The following CHRNA4 variants were observed in gnomAD, a reference collection of about 807,000 sequenced individuals.
CHRNA4 encodes neuronal acetylcholine receptor subunit alpha-4.
A neutral mutation model predicts 48.9 loss-of-function variants in CHRNA4; 28 were observed. The ratio of observed to expected loss-of-function variants is 0.57; its 90% confidence interval spans 0.42 to 0.79. The LOEUF (loss-of-function observed/expected upper bound fraction) is 0.79. CHRNA4 is among the 30% of genes least tolerant of loss of function. The pLI is 0.00. For synonymous variants in CHRNA4, 425 were observed against 402.3 expected (o/e 1.06, Z -0.68); for missense variants, 859 against 898.4 (o/e 0.96, Z 0.56).
chr20:63,356,381 C>CA lies in CHRNA4; in HGVS notation c.262dup (p.Trp88LeufsTer17). On this transcript the variant is annotated frameshift_variant, in exon 3 of 6. Transcript: ENST00000370263. LOFTEE classifies it high-confidence loss of function. ...TGCCCTCCCACTCACCTGCTTCACC[C>CA]ATACGTTCGTGGTCATCATCTGGTT... The CA allele has an allele frequency of 6.3e-7, 1 of 1,598,252 alleles. No homozygotes were observed. Among genetic ancestry groups the CA allele is most frequent in the Non-Finnish European group, 8.5e-7 (1 of 1,173,072 alleles).
Position 63,349,945 on chromosome 20 carries a change from A to C in CHRNA4, c.1466T>G (p.Ile489Ser), listed in dbSNP as rs377087067. The change falls in exon 5 of 6, where the codon ATC (isoleucine) becomes AGC (serine). Residue 489 changes from isoleucine to serine, a missense_variant. Transcript: ENST00000370263. ...EGGVRCRSRS[I>S]QYCVPRDDAA... ...ATCGTCTCGGGGAACACAGTACTGG[A>C]TGCTCCGAGACCGGCACCGGACGCC... The C allele has an allele frequency of 8.2e-6, 13 of 1,582,120 alleles. No homozygotes were observed. Among genetic ancestry groups the C allele is most frequent in the Non-Finnish European group, 1.1e-5 (13 of 1,163,836 alleles).
rs201041492 is a variant in CHRNA4 at position 63,346,437 on chromosome 20, G to T, written c.*301C>A. ...TGAGTTCCATCTGCAGGGGAGCTCA[G>T]GAGACTCTTGAACTGGACTTAGCCC... On this transcript the variant is annotated 3_prime_UTR_variant, in exon 6 of 6. Transcript: ENST00000370263. The T allele has an allele frequency of 1.7e-6, 1 of 575,694 alleles. No homozygotes were observed. Among genetic ancestry groups the T allele is most frequent in the Non-Finnish European group, 3.3e-6 (1 of 305,154 alleles). 35.7% of individuals were successfully genotyped at this position (575,694 alleles called of 1,614,324 possible).
intron 4 of CHRNA4, chr20:63,354,809 C>T (rs1012937116): frequency 1.4e-5 from 3 of 216,124 alleles, no homozygotes; most frequent in South Asian, 1.6e-4. Context: ...GTCCTGGTGG[C>T]GGGGAGCTAG....
In CHRNA4 at chr20:63,344,420, C is replaced by A. The variant is rs376422342; in HGVS notation, c.*2318G>T. The A allele has an allele frequency of 2.2e-6, 1 of 453,704 alleles. No homozygotes were observed. The highest frequency in any genetic ancestry group is 4.4e-6 in the Non-Finnish European group (1 of 226,724). The allele number at this position is 453,704 out of a possible 1,614,324, so 28.1% of individuals were successfully genotyped here. On this transcript the variant is annotated 3_prime_UTR_variant, in exon 6 of 6. Transcript: ENST00000370263. This position sits in a 1 kb window ranked among gnomAD's most constrained non-coding sequence, Gnocchi z 4.5. ...ATAAAAACAGCACTGGACGCAAATA[C>A]GCCAACATTGTTGTCAAGGTTAATT...
At chr20:63,351,076 C>T (rs201729175) in intron 4 of CHRNA4, 49 bp from the exon 5 acceptor site, 23 of 1,525,618 alleles carry the variant, frequency 1.5e-5, no homozygotes, top group Non-Finnish European at 1.5e-5. Context: ...TCCATGCCCA[C>T]GTCCACACCC....
chr20:63,352,832 C>T (rs1046350650), intron 4 of CHRNA4, among the ~76,000 whole-genome samples: 2 of 151,584 alleles, frequency 1.3e-5, no homozygotes, highest in African/African-American at 4.9e-5. Context: ...GCCAGGTCCC[C>T]CAGCCCCCAG....
At chr20:63,353,838 G>A in intron 4 of CHRNA4, among the ~76,000 whole-genome samples, 1 of 95,328 alleles carries the variant, frequency 1.0e-5, no homozygotes, top group Admixed American at 1.0e-4. Context: ...TGGTTCTAGG[G>A]GGCTGTGACC....
At position 63,350,364 on chromosome 20, in the gene CHRNA4, C is replaced by T. The variant is rs75593857; in HGVS notation, c.1047G>A (p.Leu349=). The part of the protein sequence containing the change: ...TMPTWVRRVF[L]DIVPRLLLMK... Reference sequence around the variant, plus strand: ...TGAGGAGCAGGCGTGGCACGATGTCCAGGAAGACCCTGCGTACCCAGGTGG... The same window carrying T: ...TGAGGAGCAGGCGTGGCACGATGTCTAGGAAGACCCTGCGTACCCAGGTGG... The change falls in exon 5 of 6, where the codon CTG becomes CTA. Residue 349 remains leucine, a synonymous_variant. Coordinates refer to ENST00000370263, the MANE Select transcript of CHRNA4 (RefSeq NM_000744.7). The T allele has an allele frequency of 5.0e-4, 814 of 1,613,716 alleles. 2 individuals carry two copies. The African/African-American group carries it at 6.8e-3, about 13-fold the overall frequency.
intron 4 of CHRNA4, among the ~76,000 whole-genome samples, chr20:63,351,560 G>A (rs1453703288): frequency 2.6e-5 from 4 of 152,194 alleles, no homozygotes; most frequent in Admixed American, 1.3e-4. Context: ...GGGCCACCAT[G>A]GGAATTCCTC....
Position 63,350,876 on chromosome 20 carries a change from A to G in CHRNA4, c.535T>C (p.Phe179Leu). ...PFDQQNCTMK[F>L]GSWTYDKAKI... is the part of the protein sequence containing the mutation. ...GCCTTGTCGTAGGTCCAGGAGCCGAATTTCATGGTGCAGTTCTGCTGGTCG... is the reference window on the plus strand; with the variant it reads ...GCCTTGTCGTAGGTCCAGGAGCCGAGTTTCATGGTGCAGTTCTGCTGGTCG... The change falls in exon 5 of 6, where the codon TTC (phenylalanine) becomes CTC (leucine). Residue 179 changes from phenylalanine to leucine, a missense_variant. By Grantham distance (22) the Phe-to-Leu change is conservative. This residue lies in a region of CHRNA4 where 342 missense variants were observed against 365.3 expected (regional missense o/e 0.94). Coordinates refer to ENST00000370263, the MANE Select transcript of CHRNA4 (RefSeq NM_000744.7). 1 of 1,614,032 alleles carries G rather than the reference A, an allele frequency of 6.2e-7. No homozygotes were observed.
intron 4 of CHRNA4, chr20:63,355,636 A>G: frequency 3.9e-6 from 5 of 1,282,292 alleles, no homozygotes; most frequent in Non-Finnish European, 4.1e-6. Context: ...GTCAGGAGCC[A>G]GCCCCCAGGC....
chr20:63,352,718 C>G (rs969301646), intron 4 of CHRNA4, among the ~76,000 whole-genome samples: 1 of 152,250 alleles, frequency 6.6e-6, no homozygotes, highest in Non-Finnish European at 1.5e-5. Context: ...ACAGGGAACG[C>G]CAGGGCCATG....
At chr20:63,353,573 G>A (rs2068652224) in intron 4 of CHRNA4, among the ~76,000 whole-genome samples, 2 of 114,978 alleles carry the variant, frequency 1.7e-5, no homozygotes, top group African/African-American at 3.4e-5. Context: ...GTCCTGGGGG[G>A]GCTGCGGTCC....
chr20:63,359,493 T>C lies in CHRNA4; in HGVS notation c.228+55A>G, dbSNP rs1280309269. 5 of 1,608,716 alleles carry C rather than the reference T, an allele frequency of 3.1e-6. No homozygotes were observed. The African/African-American group carries it at 4.0e-5, about 13-fold the overall frequency. ...TCCCCTCTGCCCACCCAGACCCCTG[T>C]GCTCCTTGCAGGGCGACCTCAGTCA... On this transcript the variant is annotated intron_variant, in intron 2 of 5. Transcript: ENST00000370263.
rs45486594 is a variant in CHRNA4 at position 63,346,469 on chromosome 20, T to C, written c.*269A>G. ...CTTGAACTGGACTTAGCCCGAGTCC[T>C]GCAGGTAGAAGGCGCCGACCCCCAC... is the stretch of plus-strand genomic sequence containing the variant. On this transcript the variant is annotated 3_prime_UTR_variant, in exon 6 of 6. Coordinates refer to ENST00000370263, the MANE Select transcript of CHRNA4 (RefSeq NM_000744.7). 6.3e-6 allele frequency: 4 copies of C among 633,628 alleles called. No individual in the cohort carries two copies. In the East Asian group the frequency reaches 1.3e-4, roughly 20 times the overall value. 39.3% of individuals were successfully genotyped at this position (633,628 alleles called of 1,614,324 possible).
At chr20:63,357,493 T>C (rs1038409129) in intron 2 of CHRNA4, among the ~76,000 whole-genome samples, 9 of 152,136 alleles carry the variant, frequency 5.9e-5, no homozygotes, top group African/African-American at 1.9e-4. Flanking sequence ...CCTGGGCTGG[T>C]TGGAAAAGCA....
intron 1 of CHRNA4, 122 bp downstream of exon 1, chr20:63,360,968 G>T: frequency 1.2e-6 from 1 of 801,192 alleles, no homozygotes; most frequent in Non-Finnish European, 1.7e-6. Context: ...CCTCGCGGTC[G>T]CCCAGTCGCG....
In CHRNA4 at chr20:63,345,315, CCTGA is replaced by C. The variant is rs1344399816; in HGVS notation, c.*1419_*1422del. The stretch of plus-strand genomic sequence containing the variant: ...ATGTGGACCACTCAGCAGGAGGCTT[CCTGA>C]CTGTCTCCTCCTGAACCGATGTCAC... On this transcript the variant is annotated 3_prime_UTR_variant, in exon 6 of 6. Transcript: ENST00000370263. This position sits in a 1 kb window ranked among gnomAD's most constrained non-coding sequence, Gnocchi z 5.4. 10 of 453,416 alleles carry C rather than the reference CCTGA, an allele frequency of 2.2e-5. No individual in the cohort carries two copies. The highest frequency in any genetic ancestry group is 7.0e-5 in the East Asian group (1 of 14,364). 28.1% of individuals were successfully genotyped at this position (453,416 alleles called of 1,614,324 possible).
Position 63,356,528 on chromosome 20 carries a change from G to A in CHRNA4, c.229-113C>T, listed in dbSNP as rs951580863. 9 of 1,152,918 alleles carry A rather than the reference G, an allele frequency of 7.8e-6. No individual in the cohort carries two copies. In the Admixed American group the frequency reaches 1.6e-4, roughly 20 times the overall value. 71.4% of individuals were successfully genotyped at this position (1,152,918 alleles called of 1,614,324 possible). On this transcript the variant is annotated intron_variant, in intron 2 of 5. Transcript: ENST00000370263. Reference sequence around the variant, plus strand: ...GGACACGGCCAGGGCAAGATATGGTGGACGGGCGACCTGTGGAGGGGGTGA... The same window carrying A: ...GGACACGGCCAGGGCAAGATATGGTAGACGGGCGACCTGTGGAGGGGGTGA...
Sources: gnomAD v4.1 joint callset for allele counts (sites outside exome capture counted in the v4.1 genomes callset) on GRCh38, gnomAD v4.1.1 for gene constraint, gnomAD v4.1.1 regional missense constraint, Gnocchi (gnomAD v3.1) non-coding constraint, MANE v1.5 for transcripts, NCBI Gene and HGNC (gene_info 2026-07-23, HGNC 2026-07-21) for gene names.